Variants in LRRK2 observed in about 807,000 individuals in gnomAD.
LRRK2 encodes leucine-rich repeat serine/threonine-protein kinase 2.
LRRK2 carries 203 observed loss-of-function variants against 302.6 expected under a neutral mutation model. The observed-to-expected ratio is 0.67, with a 90% CI of 0.60 to 0.75. The LOEUF is 0.75. Ranked by LOEUF, LRRK2 falls within the 30% of genes least tolerant of loss-of-function variation. The pLI, the probability that LRRK2 is intolerant of heterozygous loss-of-function variation, is 0.00. For missense variants in LRRK2, 2,830 were observed against 2,951.0 expected, an observed-to-expected ratio of 0.96 and a Z score of 0.95; for synonymous variants, 1,066 against 1,031.9, an observed-to-expected ratio of 1.03 and a Z score of -0.63.
chr12:40,324,089 A>G (rs1945479457), intron 38 of LRRK2, among the ~76,000 whole-genome samples: 3 of 152,128 alleles, frequency 2.0e-5, no homozygotes, highest in East Asian at 1.9e-4. Context: ...CAGTCAACAT[A>G]TGTTACTGTA....
chr12:40,315,208 A>C lies in LRRK2; in HGVS notation c.4739-4A>C. The C allele has an allele frequency of 6.2e-7, 1 of 1,609,274 alleles. No individual in the cohort carries two copies. Among genetic ancestry groups the C allele is most frequent in the Non-Finnish European group, 8.5e-7 (1 of 1,175,882 alleles). The stretch of plus-strand genomic sequence containing the variant: ...TTTCACTGTTTGATGACTTTTTACT[A>C]CAGGAGTCCTTCTTCATTTTCAAGA... On this transcript the variant is annotated splice_polypyrimidine_tract_variant and splice_region_variant and intron_variant, in intron 32 of 50. Transcript: ENST00000298910.
Position 40,310,023 on chromosome 12 carries a change from G to A in LRRK2, c.4318-408G>A, listed in dbSNP as rs182552305. On this transcript the variant is annotated intron_variant, in intron 30 of 50. Coordinates refer to ENST00000298910, the MANE Select transcript of LRRK2 (RefSeq NM_198578.4). ...ACTCCAAATTGGTTGACTTTAAAAC[G>A]AATTTAGAAGATTAAATTCACAGAT... 9.6e-4 allele frequency among the ~76,000 whole-genome samples: 146 copies of A among 152,116 alleles called. 1 individual carries two copies. The highest frequency in any genetic ancestry group is 3.4e-3 in the African/African-American group (142 of 41,538).
Position 40,315,232 on chromosome 12 carries a change from G to T in LRRK2, c.4759G>T (p.Asp1587Tyr). 6.2e-7 allele frequency: 1 copy of T among 1,612,402 alleles called. No homozygotes were observed. ...NESGVLLHFQDPALQLSDLYF... is the reference protein window; with the variant it reads ...NESGVLLHFQYPALQLSDLYF... The stretch of plus-strand genomic sequence containing the variant: ...TACAGGAGTCCTTCTTCATTTTCAA[G>T]ACCCAGCACTGCAGTTAAGTGACTT... Residue 1587 changes from aspartate to tyrosine, a missense_variant, in exon 33 of 51, where the codon GAC (aspartate) becomes TAC (tyrosine). By Grantham distance (160) the Asp-to-Tyr change is radical. Coordinates refer to ENST00000298910, the MANE Select transcript of LRRK2 (RefSeq NM_198578.4).
In LRRK2 at chr12:40,231,742, A is replaced by G. The variant is rs1295151819; in HGVS notation, c.238-532A>G. Among the ~76,000 whole-genome samples the G allele has an allele frequency of 1.2e-4, 17 of 147,598 alleles. No individual in the cohort carries two copies. In the East Asian group the frequency reaches 3.3e-3, roughly 29 times the overall value. On this transcript the variant is annotated intron_variant, in intron 2 of 50. Transcript: ENST00000298910. ...ATGTTCTTCATAATTTAGAAATTAT[A>G]TGTATTTATATATATAAATTATATA...
chr12:40,264,676 G>T (rs141591936), intron 14 of LRRK2, among the ~76,000 whole-genome samples: 4 of 152,056 alleles, frequency 2.6e-5, no homozygotes, highest in African/African-American at 9.7e-5. Context: ...GATTCCCTAC[G>T]CTCCTTTTCA....
At position 40,295,450 on chromosome 12, in the gene LRRK2, A is replaced by G. The variant is rs767471351; in HGVS notation, c.2902A>G (p.Met968Val). The change falls in exon 23 of 51, where the codon ATG (methionine) becomes GTG (valine). Residue 968 changes from methionine (M) to valine (V), a missense_variant. Transcript: ENST00000298910. Reference sequence around the variant, plus strand: ...AGGGTCATCAAAACTTCAATCCCATATGAGGCATTCAGACAGCATTTCTTC... The same window carrying G: ...AGGGTCATCAAAACTTCAATCCCATGTGAGGCATTCAGACAGCATTTCTTC... ...SLRSSKLQSHMRHSDSISSLA... is the reference protein window; with the variant it reads ...SLRSSKLQSHVRHSDSISSLA... 4 of 1,613,286 alleles carry G rather than the reference A, an allele frequency of 2.5e-6. No homozygotes were observed. In the Admixed American group the frequency reaches 5.0e-5, roughly 20 times the overall value.
At chr12:40,332,395 AC>A (rs1945737965) in intron 39 of LRRK2, among the ~76,000 whole-genome samples, 1 of 152,138 alleles carries the variant, frequency 6.6e-6, no homozygotes, top group Non-Finnish European at 1.5e-5. Flanking sequence ...GTCTTTATTG[AC>A]ATTAGGAATG....
chr12:40,238,415 C>G (rs1941570551), intron 5 of LRRK2, among the ~76,000 whole-genome samples: 2 of 152,056 alleles, frequency 1.3e-5, no homozygotes, highest in Non-Finnish European at 2.9e-5. Flanking sequence ...AACTGTGAAG[C>G]CAAGCATAGG....
chr12:40,358,560 G>T (rs1177156392), intron 46 of LRRK2, among the ~76,000 whole-genome samples: 1 of 151,856 alleles, frequency 6.6e-6, no homozygotes, highest in African/African-American at 2.4e-5. Flanking sequence ...TTTATTTCTG[G>T]GTCCTCTACA....
chr12:40,278,712 G>T (rs11564182), intron 18 of LRRK2, among the ~76,000 whole-genome samples: 2,042 of 152,264 alleles, frequency 0.013, 19 homozygotes, highest in Non-Finnish European at 0.021. Context: ...CATTCACAGT[G>T]ACATGAGTTG....
chr12:40,353,950 G>T (rs1020810103), intron 44 of LRRK2, among the ~76,000 whole-genome samples: 2 of 152,204 alleles, frequency 1.3e-5, no homozygotes, highest in Non-Finnish European at 2.9e-5. Flanking sequence ...CCCAGCTTCG[G>T]CTCGGCATCA....
rs7308720 is a variant in LRRK2 at position 40,263,898 on chromosome 12, C to G, written c.1653C>G (p.Asn551Lys). 118,428 of 1,596,920 alleles carry G rather than the reference C, an allele frequency of 0.074. 5,204 individuals carry two copies. The highest frequency in any genetic ancestry group is 0.16 in the Admixed American group (9,724 of 59,890). Residue 551 changes from asparagine to lysine, a missense_variant, in exon 14 of 51, where the codon AAC (asparagine) becomes AAG (lysine). Transcript: ENST00000298910. ...DIHKLVLAAL[N>K]RFIGNPGIQK... ...ACAAACTGGTCCTAGCAGCTTTGAA[C>G]AGGGTATGTTGAATATAAGTTTTCT...
At position 40,319,977 on chromosome 12, in the gene LRRK2, G is replaced by T. The variant is rs202211993; in HGVS notation, c.4828-11G>T. 1 of 1,604,784 alleles carries T rather than the reference G, an allele frequency of 6.2e-7. No homozygotes were observed. The highest frequency in any genetic ancestry group is 1.7e-5 in the Admixed American group (1 of 58,586). On this transcript the variant is annotated splice_polypyrimidine_tract_variant and intron_variant, in intron 33 of 50. Transcript: ENST00000298910. ...AAATTTTAGTGATTATTTATGACTC[G>T]AATCTTTCAGATTTTGACAGTGAAA... is the stretch of plus-strand genomic sequence containing the variant.
chr12:40,247,894 G>A (rs1436619490), intron 7 of LRRK2, among the ~76,000 whole-genome samples: 1 of 151,306 alleles, frequency 6.6e-6, no homozygotes, highest in East Asian at 1.9e-4. Flanking sequence ...TTACAGATGA[G>A]GTCCTGTGGT....
intron 25 of LRRK2, among the ~76,000 whole-genome samples, chr12:40,301,566 A>C (rs1177078224): frequency 6.6e-6 from 1 of 152,234 alleles, no homozygotes; most frequent in African/African-American, 2.4e-5. Flanking sequence ...TTTTGCGAAT[A>C]GGTGAGGTAT....
chr12:40,240,706 A>T, intron 6 of LRRK2, 89 bp downstream of exon 6: 1 of 1,295,540 alleles, frequency 7.7e-7, no homozygotes, highest in Non-Finnish European at 1.1e-6. Context: ...TATTTTTATT[A>T]TTTAGAAACT....
Position 40,259,572 on chromosome 12 carries a change from C to T in LRRK2, c.1511C>T (p.Ala504Val), listed in dbSNP as rs201333920. 20 of 1,613,054 alleles carry T rather than the reference C, an allele frequency of 1.2e-5. No homozygotes were observed. Among genetic ancestry groups the T allele is most frequent in the African/African-American group, 4.0e-5 (3 of 74,818 alleles). The change falls in exon 13 of 51, where the codon GCG becomes GTG. Residue 504 changes from alanine to valine, a missense_variant. Ala to Val is a moderately conservative substitution (Grantham distance 64, BLOSUM62 0). Around this residue, in one of 3 missense-constraint regions of LRRK2, gnomAD observed 2,121 missense variants for 2,148.0 expected, o/e 0.99. Coordinates refer to ENST00000298910, the MANE Select transcript of LRRK2 (RefSeq NM_198578.4). The part of the protein sequence containing the change: ...HETSLPVQLE[A>V]LRAILHFIVP... Reference sequence around the variant, plus strand: ...ACATCATTACCAGTGCAGCTGGAGGCGCTTCGAGCTATTTTACATTTTATA... The same window carrying T: ...ACATCATTACCAGTGCAGCTGGAGGTGCTTCGAGCTATTTTACATTTTATA...
chr12:40,278,053 A>T, intron 17 of LRRK2, 37 bp downstream of exon 17: 1 of 1,613,878 alleles, frequency 6.2e-7, no homozygotes, highest in Non-Finnish European at 8.5e-7. Flanking sequence ...AATGTTATGT[A>T]TTTATCTGAC....
chr12:40,293,510 T>C (rs1944243972), intron 20 of LRRK2, 35 bp from the exon 21 acceptor site: 1 of 1,334,186 alleles, frequency 7.5e-7, no homozygotes, highest in Non-Finnish European at 1.1e-6. Flanking sequence ...GCTTTTTGTA[T>C]TCACCTTCAT....
Sources: allele counts gnomAD v4.1 joint callset (sites outside exome capture counted in the v4.1 genomes callset), GRCh38; gene constraint gnomAD v4.1.1; regional missense constraint gnomAD v4.1.1; transcripts MANE v1.5; gene names NCBI Gene and HGNC (gene_info 2026-07-23, HGNC 2026-07-21).